Variants in PTPRC observed in about 807,000 individuals in gnomAD.
The protein encoded by PTPRC is protein tyrosine phosphatase receptor type C.
In PTPRC, 44 loss-of-function variants were observed where a neutral mutation model predicts 155.9. The ratio of observed to expected loss-of-function variants is 0.28; its 90% CI spans 0.22 to 0.36. PTPRC has a LOEUF of 0.36. PTPRC is among the 10% of genes least tolerant of loss of function. PTPRC has a pLI of 1.00. For missense variants in PTPRC, 1,401 were observed against 1,564.6 expected (o/e 0.90, Z 1.76); for synonymous variants, 525 against 533.1 (o/e 0.98, Z 0.21).
chr1:198,685,374 G>GA (rs1301449418), intron 2 of PTPRC, among the ~76,000 whole-genome samples: 4 of 151,132 alleles, frequency 2.6e-5, no homozygotes, highest in Admixed American at 1.3e-4. Context: ...ATGCTTAAAA[G>GA]AAAAAAAATA....
chr1:198,708,313 C>G (rs752900031), intron 10 of PTPRC, 52 bp downstream of exon 10: 1 of 1,531,980 alleles, frequency 6.5e-7, no homozygotes, highest in South Asian at 1.1e-5. Context: ...CAATGTTGTT[C>G]TAGATATTAT....
At chr1:198,712,569 G>A (rs927256879) in intron 11 of PTPRC, among the ~76,000 whole-genome samples, 1 of 152,178 alleles carries the variant, frequency 6.6e-6, no homozygotes, top group African/African-American at 2.4e-5. Flanking sequence ...GCAATGACAA[G>A]TGCTACTCAA....
chr1:198,678,870 A>T (rs1431924731), intron 2 of PTPRC, among the ~76,000 whole-genome samples: 1 of 150,060 alleles, frequency 6.7e-6, no homozygotes, highest in Non-Finnish European at 1.5e-5. Flanking sequence ...CTATTTTCAT[A>T]TTAATTTGAT....
At chr1:198,648,345 A>G (rs1663046911) in intron 2 of PTPRC, among the ~76,000 whole-genome samples, 2 of 151,780 alleles carry the variant, frequency 1.3e-5, no homozygotes, top group Admixed American at 1.3e-4. Context: ...CTAATTTTCC[A>G]AGGTCACCAG....
intron 5 of PTPRC, among the ~76,000 whole-genome samples, chr1:198,701,721 CACTGTA>C (rs1261465782): frequency 6.6e-6 from 1 of 152,104 alleles, no homozygotes; most frequent in Non-Finnish European, 1.5e-5. Context: ...AGAATGATGC[CACTGTA>C]ATGTGGAGTT....
chr1:198,670,978 G>T (rs898779128), intron 2 of PTPRC, among the ~76,000 whole-genome samples: 2 of 151,918 alleles, frequency 1.3e-5, no homozygotes, highest in Non-Finnish European at 2.9e-5. Flanking sequence ...ATGATTTAAG[G>T]TATATGGGAA....
intron 26 of PTPRC, among the ~76,000 whole-genome samples, chr1:198,745,190 T>C (rs1274250139): frequency 6.6e-6 from 1 of 151,960 alleles, no homozygotes; most frequent in Middle Eastern, 3.4e-3. Flanking sequence ...GACAATTTTT[T>C]TCACTAAATA....
At chr1:198,714,592 C>G (rs1382251316) in intron 12 of PTPRC, among the ~76,000 whole-genome samples, 1 of 152,130 alleles carries the variant, frequency 6.6e-6, no homozygotes, top group East Asian at 1.9e-4. Context: ...AGCTTTGGAC[C>G]ATGCCCTGAC....
intron 6 of PTPRC, 69 bp downstream of exon 6, chr1:198,702,599 TA>T: frequency 6.4e-7 from 1 of 1,572,146 alleles, no homozygotes; most frequent in Non-Finnish European, 8.8e-7. Context: ...AACTTTAATG[TA>T]GCTCTTTTAT....
rs1489283222 is a variant in PTPRC, at chr1:198,729,190, G to A, written c.1864+19G>A. 4 of 1,601,102 alleles carry A rather than the reference G, an allele frequency of 2.5e-6. No individual in the cohort carries two copies. The highest frequency in any genetic ancestry group is 2.7e-5 in the African/African-American group (2 of 74,522). Reference sequence around the variant, plus strand: ...GAAAGGGGTAAGTATGTATATTTTTGCTGATGACTATTCCTTCCCCTGCAT... The same window carrying A: ...GAAAGGGGTAAGTATGTATATTTTTACTGATGACTATTCCTTCCCCTGCAT... On this transcript the variant is annotated intron_variant, in intron 17 of 32. Coordinates refer to ENST00000442510, the MANE Select transcript of PTPRC (RefSeq NM_002838.5).
At chr1:198,751,557 G>A (rs1655384997) in intron 29 of PTPRC, among the ~76,000 whole-genome samples, 1 of 151,894 alleles carries the variant, frequency 6.6e-6, no homozygotes, top group Non-Finnish European at 1.5e-5. Context: ...AGGAATATAA[G>A]TCCAGATTTC....
intron 12 of PTPRC, among the ~76,000 whole-genome samples, chr1:198,715,817 T>C (rs555904716): frequency 6.6e-6 from 1 of 152,262 alleles, no homozygotes; most frequent in African/African-American, 2.4e-5. Context: ...TTTTTAAAAA[T>C]CGTTATTGAT....
chr1:198,680,452 GA>G (rs71648398), intron 2 of PTPRC, among the ~76,000 whole-genome samples: 7,317 of 121,830 alleles, frequency 0.06, 225 homozygotes, highest in East Asian at 0.15. Flanking sequence ...AACTCTCTCA[GA>G]AAAAAAAAAA....
chr1:198,731,490 C>T lies in PTPRC; in HGVS notation c.1865-127C>T, dbSNP rs930824495. ...AAATGTTTGTATGTGAGTGAGATTT[C>T]TCAGATGAAATGTGTACGAGGAGGA... is the stretch of plus-strand genomic sequence containing the variant. On this transcript the variant is annotated intron_variant, in intron 17 of 32. Transcript: ENST00000442510. The T allele has an allele frequency of 4.9e-5, 35 of 715,196 alleles. No homozygotes were observed. The African/African-American group carries it at 5.7e-4, about 12-fold the overall frequency. 44.3% of individuals were successfully genotyped at this position (715,196 alleles called of 1,614,324 possible).
At chr1:198,638,923 T>A, upstream of PTPRC, 1 of 242,670 alleles carries the variant, frequency 4.1e-6, no homozygotes, top group South Asian at 6.2e-5. Context: ...TCTAACTTGG[T>A]GTAATTACTT....
intron 3 of PTPRC, chr1:198,694,167 G>C (rs1459988377): frequency 6.7e-7 from 1 of 1,497,458 alleles, no homozygotes; most frequent in Non-Finnish European, 8.9e-7. Context: ...AAAAGCTGAG[G>C]AACTTGGAGT....
Position 198,716,813 on chromosome 1 carries a change from A to G in PTPRC, c.1423A>G (p.Met475Val). ...AGTGCAACGTAATGGAAGTGCTGCA[A>G]TGTGTCATTTCACAACTAAAAGTGC... is the stretch of plus-strand genomic sequence containing the variant. ...AKVQRNGSAA[M>V]CHFTTKSAPP... Residue 475 changes from methionine to valine, a missense_variant, in exon 13 of 33, where the codon ATG (methionine) becomes GTG (valine). Around this residue, in one of 3 missense-constraint regions of PTPRC, gnomAD observed 867 missense variants for 970.4 expected, o/e 0.89. Transcript: ENST00000442510. The G allele has an allele frequency of 2.5e-6, 4 of 1,613,676 alleles. No individual in the cohort carries two copies. The highest frequency in any genetic ancestry group is 2.2e-5 in the East Asian group (1 of 44,814).
At chr1:198,702,658 G>A (rs183239749) in intron 6 of PTPRC, 128 bp downstream of exon 6, 6 of 1,250,274 alleles carry the variant, frequency 4.8e-6, no homozygotes, top group African/African-American at 3.0e-5. Flanking sequence ...AAATGTTCAC[G>A]TATCAACACC....
chr1:198,650,143 C>T (rs1368568527), intron 2 of PTPRC, among the ~76,000 whole-genome samples: 1 of 151,812 alleles, frequency 6.6e-6, no homozygotes, highest in Admixed American at 6.6e-5. Flanking sequence ...TGAGTAAGAA[C>T]TGAGCAGGTT....
Sources: allele counts gnomAD v4.1 joint callset (sites outside exome capture counted in the v4.1 genomes callset), GRCh38; gene constraint gnomAD v4.1.1; regional missense constraint gnomAD v4.1.1; transcripts MANE v1.5; gene names NCBI Gene and HGNC (gene_info 2026-07-23, HGNC 2026-07-21).